Variants in SETBP1 observed in about 807,000 individuals in gnomAD.
SETBP1 encodes SET-binding protein.
SETBP1 carries 9 observed loss-of-function variants against 101.0 expected under a neutral mutation model. The ratio of observed to expected loss-of-function variants is 0.09; its 90% CI spans 0.05 to 0.16. The LOEUF is 0.16. SETBP1 is among the 10% of genes least tolerant of loss of function. The pLI, the probability that SETBP1 is intolerant of heterozygous loss-of-function variation, is 1.00. For missense variants in SETBP1, 1,858 were observed against 2,033.8 expected (o/e 0.91, Z 1.66); for synonymous variants, 818 against 788.5 (o/e 1.04, Z -0.63).
intron 3 of SETBP1, among the ~76,000 whole-genome samples, chr18:44,932,894 C>T (rs1379004698): frequency 2.0e-5 from 3 of 152,192 alleles, no homozygotes; most frequent in Non-Finnish European, 4.4e-5. Context: ...TTTGAACATC[C>T]TCCTTTAGCT....
chr18:44,827,104 T>C (rs2072255431), intron 2 of SETBP1, among the ~76,000 whole-genome samples: 1 of 152,186 alleles, frequency 6.6e-6, no homozygotes, highest in African/African-American at 2.4e-5. Flanking sequence ...GGCTCACTAG[T>C]GGTGATGACA....
chr18:45,019,336 T>C (rs1193342673), intron 4 of SETBP1, among the ~76,000 whole-genome samples: 1 of 151,678 alleles, frequency 6.6e-6, no homozygotes, highest in Non-Finnish European at 1.5e-5. Flanking sequence ...AATTTCTTTT[T>C]ACTTGACAAA....
At chr18:44,900,595 G>T (rs985440752) in intron 3 of SETBP1, among the ~76,000 whole-genome samples, 6 of 152,146 alleles carry the variant, frequency 3.9e-5, no homozygotes, top group African/African-American at 1.2e-4. Flanking sequence ...AGAAAAATTC[G>T]TTCACAATGA....
chr18:44,745,269 T>G (rs1376188496), intron 2 of SETBP1, among the ~76,000 whole-genome samples: 54 of 152,226 alleles, frequency 3.5e-4, no homozygotes, highest in Admixed American at 3.5e-3. Context: ...TAGGTATGTA[T>G]ATACACACAT....
At chr18:44,806,811 A>T (rs141412750) in intron 2 of SETBP1, among the ~76,000 whole-genome samples, 5 of 151,724 alleles carry the variant, frequency 3.3e-5, no homozygotes, top group Non-Finnish European at 5.9e-5. Context: ...AGCTGGAACT[A>T]CAGGCATGTG....
chr18:44,700,536 T>C (rs1309967567), intron 1 of SETBP1, among the ~76,000 whole-genome samples: 1 of 152,258 alleles, frequency 6.6e-6, no homozygotes, highest in Non-Finnish European at 1.5e-5. Context: ...GATTTGCCAC[T>C]GAACTCTTTT....
chr18:44,680,569 A>AG (rs1240306923), upstream of SETBP1, among the ~76,000 whole-genome samples: 5 of 151,670 alleles, frequency 3.3e-5, no homozygotes, highest in Admixed American at 1.3e-4. Flanking sequence ...GACCGGGCCG[A>AG]GGGGGCGGGA....
intron 2 of SETBP1, among the ~76,000 whole-genome samples, chr18:44,748,954 G>T (rs551419088): frequency 6.6e-6 from 1 of 152,318 alleles, no homozygotes; most frequent in East Asian, 1.9e-4. Context: ...TCTGCTGGCT[G>T]TCTGCATCAT....
chr18:44,755,166 A>C (rs2070464401), intron 2 of SETBP1, among the ~76,000 whole-genome samples: 1 of 152,216 alleles, frequency 6.6e-6, no homozygotes, highest in African/African-American at 2.4e-5. Flanking sequence ...CCAAAATGAA[A>C]TGTTGTTAGA....
At chr18:45,036,480 C>G (rs760064311) in intron 4 of SETBP1, among the ~76,000 whole-genome samples, 24 of 152,116 alleles carry the variant, frequency 1.6e-4, no homozygotes, top group Non-Finnish European at 3.4e-4. Context: ...ATGTCTGTAC[C>G]TAGCCCATGA....
At chr18:44,972,783 T>C (rs187160988) in intron 4 of SETBP1, among the ~76,000 whole-genome samples, 64 of 152,314 alleles carry the variant, frequency 4.2e-4, no homozygotes, top group African/African-American at 1.5e-3. Flanking sequence ...TGGGCTGAGA[T>C]GATGGGGTTT....
At chr18:44,826,615 A>G (rs1015579973) in intron 2 of SETBP1, among the ~76,000 whole-genome samples, 1 of 152,104 alleles carries the variant, frequency 6.6e-6, no homozygotes, top group Non-Finnish European at 1.5e-5. Context: ...ACTGAATTGA[A>G]GTGGAGGATT....
intron 3 of SETBP1, among the ~76,000 whole-genome samples, chr18:44,920,637 A>G (rs1010455454): frequency 6.6e-6 from 1 of 152,172 alleles, no homozygotes; most frequent in African/African-American, 2.4e-5. Context: ...ATCCATCGTC[A>G]TAAGGGTGGC....
chr18:44,827,233 T>C (rs866761954), intron 2 of SETBP1, among the ~76,000 whole-genome samples: 1 of 152,168 alleles, frequency 6.6e-6, no homozygotes, highest in African/African-American at 2.4e-5. Context: ...CTTCCCAATA[T>C]AGTTTCCGAA....
intron 5 of SETBP1, among the ~76,000 whole-genome samples, chr18:45,051,151 A>C (rs1233858006): frequency 6.6e-6 from 1 of 152,126 alleles, no homozygotes; most frequent in African/African-American, 2.4e-5. Flanking sequence ...TGTAACTTGG[A>C]TTTGTTTACA....
chr18:44,749,418 A>G (rs2070332986), intron 2 of SETBP1, among the ~76,000 whole-genome samples: 1 of 152,124 alleles, frequency 6.6e-6, no homozygotes, highest in African/African-American at 2.4e-5. Flanking sequence ...CACTGGACAC[A>G]CTCAAGTCTG....
At chr18:44,830,414 A>G (rs891738247) in intron 2 of SETBP1, among the ~76,000 whole-genome samples, 1 of 152,212 alleles carries the variant, frequency 6.6e-6, no homozygotes, top group Non-Finnish European at 1.5e-5. Context: ...GAAGATCTCA[A>G]AGGCTCTTTC....
rs1489739420 is a variant in SETBP1, at chr18:44,977,743, A to G, written c.4000+24403A>G. Among the ~76,000 whole-genome samples, 4 of 152,196 alleles carry G rather than the reference A, an allele frequency of 2.6e-5. No individual in the cohort carries two copies. The East Asian group carries it at 7.7e-4, about 29-fold the overall frequency. On this transcript the variant is annotated intron_variant, in intron 4 of 5. Transcript: ENST00000649279. ...TTCACAGAGGCCAATGTGGCCGATA[A>G]ACATGGGTGTTTCTGCAGTTGCTGC...
chr18:44,718,692 G>A (rs987952641), intron 2 of SETBP1, among the ~76,000 whole-genome samples: 2 of 152,120 alleles, frequency 1.3e-5, no homozygotes, highest in African/African-American at 4.8e-5. Flanking sequence ...TTGCAAGTGG[G>A]GTACCGTTGT....
Sources: gnomAD v4.1 joint callset for allele counts (sites outside exome capture counted in the v4.1 genomes callset) on GRCh38, gnomAD v4.1.1 for gene constraint, MANE v1.5 for transcripts, NCBI Gene and HGNC (gene_info 2026-07-23, HGNC 2026-07-21) for gene names.